ZNF521: variants seen among roughly 807,000 people sequenced by gnomAD.
The protein encoded by ZNF521 is LYST-interacting protein 3.
A neutral mutation model predicts 105.5 loss-of-function variants in ZNF521; 14 were observed. That is an observed-to-expected ratio of 0.13 (90% confidence interval 0.09 to 0.21). ZNF521 has a LOEUF of 0.21. ZNF521 is among the 10% of genes least tolerant of loss of function. The pLI is 1.00. For missense variants in ZNF521, 1,233 were observed against 1,629.7 expected (o/e 0.76, Z 4.19); for synonymous variants, 635 against 606.0 (o/e 1.05, Z -0.70).
chr18:25,189,796 C>T (rs1365260425), intron 5 of ZNF521, among the ~76,000 whole-genome samples: 1 of 152,172 alleles, frequency 6.6e-6, no homozygotes, highest in Non-Finnish European at 1.5e-5. Flanking sequence ...ACAAAAGTTA[C>T]GTTATAAACA....
At chr18:25,100,925 G>A (rs1300728624) in intron 5 of ZNF521, among the ~76,000 whole-genome samples, 1 of 152,124 alleles carries the variant, frequency 6.6e-6, no homozygotes, top group African/African-American at 2.4e-5. Flanking sequence ...AATTTAAGTT[G>A]GCTTAACTAG....
intron 4 of ZNF521, among the ~76,000 whole-genome samples, chr18:25,211,437 T>C (rs1318692130): frequency 6.6e-6 from 1 of 152,180 alleles, no homozygotes; most frequent in South Asian, 2.1e-4. Flanking sequence ...TATGCAGCCC[T>C]CCCAGACAAT....
intron 2 of ZNF521, among the ~76,000 whole-genome samples, chr18:25,350,657 T>C (rs1231448316): frequency 6.6e-6 from 1 of 151,700 alleles, no homozygotes; most frequent in African/African-American, 2.4e-5. Context: ...TTTCGGTTGT[T>C]GTTGTCTTTT....
intron 2 of ZNF521, among the ~76,000 whole-genome samples, chr18:25,333,771 C>A (rs1176362397): frequency 6.6e-6 from 1 of 152,152 alleles, no homozygotes; most frequent in East Asian, 1.9e-4. Flanking sequence ...TGGTAAAGTG[C>A]CTTAATCTGC....
At chr18:25,079,169 T>C (rs1034837934) in intron 7 of ZNF521, among the ~76,000 whole-genome samples, 3 of 152,260 alleles carry the variant, frequency 2.0e-5, no homozygotes, top group African/African-American at 7.2e-5. Context: ...GCGTGGGGTC[T>C]GGATTGGCGC....
chr18:25,322,247 T>C, intron 2 of ZNF521, 60 bp from the exon 3 acceptor site: 2 of 1,531,906 alleles, frequency 1.3e-6, no homozygotes, highest in South Asian at 1.1e-5. Flanking sequence ...AAAGTAACAT[T>C]TAATCTTCTT....
intron 3 of ZNF521, among the ~76,000 whole-genome samples, chr18:25,284,249 TACA>T (rs994593923): frequency 3.9e-5 from 6 of 152,112 alleles, no homozygotes; most frequent in African/African-American, 9.7e-5. Context: ...TCACTTAAAA[TACA>T]ACAATGACAC....
chr18:25,296,960 G>T (rs1392406387), intron 3 of ZNF521, among the ~76,000 whole-genome samples: 1 of 151,962 alleles, frequency 6.6e-6, no homozygotes, highest in Admixed American at 6.6e-5. Flanking sequence ...TTGAATGAAT[G>T]AATGAAAAAA....
intron 4 of ZNF521, among the ~76,000 whole-genome samples, chr18:25,200,396 TTTC>T (rs2144651225): frequency 6.8e-6 from 1 of 146,328 alleles, no homozygotes; most frequent in South Asian, 2.1e-4. Flanking sequence ...GTTCTGCAGT[TTTC>T]TTTTTTTTTT....
Position 25,225,940 on chromosome 18 carries a change from C to T in ZNF521, c.1978G>A (p.Val660Met). 1 of 1,614,110 alleles carries T rather than the reference C, an allele frequency of 6.2e-7. No homozygotes were observed. Among genetic ancestry groups the T allele is most frequent in the South Asian group, 1.1e-5 (1 of 91,082 alleles). Reference sequence around the variant, plus strand: ...TGAGGACAGGTCAATTTTGGAAGCACAGTGTCGAGATGAGTTTTTAGGTGA... The same window carrying T: ...TGAGGACAGGTCAATTTTGGAAGCATAGTGTCGAGATGAGTTTTTAGGTGA... ...QTHLKTHLDT[V>M]LPKLTCPQCN... is the part of the protein sequence containing the mutation. Residue 660 changes from valine to methionine, a missense_variant, in exon 4 of 8, where the codon GTG becomes ATG. Transcript: ENST00000361524. This position sits in a 1 kb window ranked among gnomAD's most constrained non-coding sequence, Gnocchi z 5.6.
intron 7 of ZNF521, among the ~76,000 whole-genome samples, chr18:25,065,416 T>C (rs1347339276): frequency 6.6e-6 from 1 of 152,186 alleles, no homozygotes; most frequent in African/African-American, 2.4e-5. Flanking sequence ...AAATGACCTT[T>C]GGGCTATGTG....
At chr18:25,076,931 A>C (rs1396988382) in intron 7 of ZNF521, among the ~76,000 whole-genome samples, 5 of 152,358 alleles carry the variant, frequency 3.3e-5, no homozygotes, top group East Asian at 3.9e-4. Flanking sequence ...GAGGGAGAAG[A>C]AACAGGCAGG....
In ZNF521 at chr18:25,160,666, T is replaced by C. The variant is rs377475855; in HGVS notation, c.3658+34494A>G. Among the ~76,000 whole-genome samples, 5 of 152,336 alleles carry C rather than the reference T, an allele frequency of 3.3e-5. No individual in the cohort carries two copies. The East Asian group carries it at 7.7e-4, about 24-fold the overall frequency. Reference sequence around the variant, plus strand: ...AGGTTTTGTGTTCTTTACAGCACTTTGTACATTCCCGTGGTGAGAAGAAAA... The same window carrying C: ...AGGTTTTGTGTTCTTTACAGCACTTCGTACATTCCCGTGGTGAGAAGAAAA... On this transcript the variant is annotated intron_variant, in intron 5 of 7. Coordinates refer to ENST00000361524, the MANE Select transcript of ZNF521 (RefSeq NM_015461.3).
intron 5 of ZNF521, among the ~76,000 whole-genome samples, chr18:25,110,100 C>T (rs940689368): frequency 2.6e-5 from 4 of 152,120 alleles, no homozygotes; most frequent in Non-Finnish European, 5.9e-5. Context: ...AGAAAGGGAC[C>T]CTGCTTCCAG....
At chr18:25,194,838 TG>T (rs2035876719) in intron 5 of ZNF521, among the ~76,000 whole-genome samples, 1 of 151,772 alleles carries the variant, frequency 6.6e-6, no homozygotes, top group Non-Finnish European at 1.5e-5. Flanking sequence ...TAAAACTCTA[TG>T]GAAAGCTAAC....
intron 3 of ZNF521, among the ~76,000 whole-genome samples, chr18:25,319,747 A>C (rs1233890637): frequency 6.6e-6 from 1 of 152,234 alleles, no homozygotes; most frequent in African/African-American, 2.4e-5. Context: ...ATACCACCTT[A>C]AACAAACATT....
chr18:25,062,775 A>AAAAAAAAAAAG, intron 7 of ZNF521, 34 bp from the exon 8 acceptor site: 1 of 1,404,284 alleles, frequency 7.1e-7, no homozygotes, highest in Non-Finnish European at 9.6e-7. Flanking sequence ...AAAAAAAAAA[A>AAAAAAAAAAAG]AAAAAAAAAA....
At chr18:25,240,067 A>C (rs761958063) in intron 3 of ZNF521, among the ~76,000 whole-genome samples, 10 of 152,098 alleles carry the variant, frequency 6.6e-5, no homozygotes, top group Admixed American at 1.3e-4. Context: ...AGGGCTGTTA[A>C]AGACAAATGA....
intron 2 of ZNF521, among the ~76,000 whole-genome samples, chr18:25,328,655 C>T (rs1166191769): frequency 1.3e-5 from 2 of 151,650 alleles, no homozygotes; most frequent in East Asian, 1.9e-4. Flanking sequence ...CGGGTTCAAG[C>T]GATTCTCCTG....
Sources: gnomAD v4.1 joint callset for allele counts (sites outside exome capture counted in the v4.1 genomes callset) on GRCh38, gnomAD v4.1.1 for gene constraint, Gnocchi (gnomAD v3.1) non-coding constraint, MANE v1.5 for transcripts, NCBI Gene and HGNC (gene_info 2026-07-23, HGNC 2026-07-21) for gene names.